LCN10: variants seen among roughly 807,000 people sequenced by gnomAD.
LCN10 encodes epididymal-specific lipocalin-10.
In LCN10, 18 loss-of-function variants were observed where a neutral mutation model predicts 25.1. The observed-to-expected ratio is 0.72, with a 90% CI of 0.50 to 1.06. The LOEUF (loss-of-function observed/expected upper bound fraction) is 1.06, where lower values mean the gene tolerates loss of function less well. LCN10 is among the 50% of genes least tolerant of loss of function. The pLI, the probability that LCN10 is intolerant of heterozygous loss-of-function variation, is 0.00. For missense variants in LCN10, 257 were observed against 258.9 expected, an observed-to-expected ratio of 0.99 and a Z score of 0.05; for synonymous variants, 130 against 116.7, an observed-to-expected ratio of 1.11 and a Z score of -0.73.
chr9:136,741,380 C>G lies in LCN10; in HGVS notation c.258-19G>C. 1.3e-6 allele frequency: 2 copies of G among 1,583,690 alleles called. No homozygotes were observed. The highest frequency in any genetic ancestry group is 1.7e-6 in the Non-Finnish European group (2 of 1,158,968). On this transcript the variant is annotated intron_variant, in intron 2 of 5. Transcript: ENST00000497771. ...CTTCAACCTGGGGCCAAGGCGGGGG[C>G]TCAGGCTGCAGACCAGGGAACCCCT...
rs763342773 is a variant in LCN10, at chr9:136,739,969, G to C, written c.555C>G (p.Ala185=). The stretch of plus-strand genomic sequence containing the variant: ...GCTTACCGTCTTTCGGGAGGATGAC[G>C]GCGGCCTTGGAGAGCCCCAGAATGT... ...ACDILGLSKA[A]VILPKDASRT... The change falls in exon 5 of 6, where the codon GCC becomes GCG. Residue 185 remains alanine (A), a synonymous_variant. Transcript: ENST00000497771. The surrounding 1 kb of genome is among the most constrained non-coding windows in gnomAD (Gnocchi z 6.1). 3 of 1,590,926 alleles carry C rather than the reference G, an allele frequency of 1.9e-6. No homozygotes were observed. The highest frequency in any genetic ancestry group is 1.3e-5 in the African/African-American group (1 of 74,580).
chr9:136,741,114 A>G (rs1846923310), intron 3 of LCN10, 138 bp downstream of exon 3: 3 of 993,330 alleles, frequency 3.0e-6, no homozygotes, highest in South Asian at 1.5e-5. Flanking sequence ...CGCCCAGCAC[A>G]TGACGTGTGG....
At position 136,740,932 on chromosome 9, in the gene LCN10, T is replaced by G; in HGVS notation, c.379A>C (p.Lys127Gln). 1 of 1,613,330 alleles carries G rather than the reference T, an allele frequency of 6.2e-7. No homozygotes were observed. The change falls in exon 4 of 6, where the codon AAG becomes CAG. Residue 127 changes from lysine (K) to glutamine (Q), a missense_variant. By Grantham distance (53) the Lys-to-Gln change is moderately conservative. Coordinates refer to ENST00000497771, the MANE Select transcript of LCN10 (RefSeq NM_001001712.3). This position sits in a 1 kb window ranked among gnomAD's most constrained non-coding sequence, Gnocchi z 5.3. ...REGQEGVKGV[K>Q]AFHVLSTDYS... The stretch of plus-strand genomic sequence containing the variant: ...TCAGTGGACAGCACGTGGAAGGCCT[T>G]CACCCCTTTCACTGAAAGAGATGCC...
chr9:136,741,044 C>T, intron 3 of LCN10, 101 bp from the exon 4 acceptor site: 1 of 1,119,216 alleles, frequency 8.9e-7, no homozygotes, highest in Non-Finnish European at 1.3e-6. Context: ...AGCCCCCACC[C>T]AGGTGCAGGT....
At position 136,739,061 on chromosome 9, in the gene LCN10, A is replaced by C; in HGVS notation, c.*464T>G. The C allele has an allele frequency of 4.9e-6, 1 of 205,058 alleles. No individual in the cohort carries two copies. Among genetic ancestry groups the C allele is most frequent in the Non-Finnish European group, 1.0e-5 (1 of 99,724 alleles). 12.7% of individuals were successfully genotyped at this position (205,058 alleles called of 1,614,324 possible). A position where few individuals can be genotyped will look rare whatever the true frequency, so the allele number is the denominator to read the frequency against. ...ACTGCGTTTGCCGATTCTGTTCCCT[A>C]ACGCAGCCGCAGGGGCCAGCACGCT... is the stretch of plus-strand genomic sequence containing the variant. On this transcript the variant is annotated 3_prime_UTR_variant, in exon 6 of 6. Transcript: ENST00000497771. The surrounding 1 kb of genome is among the most constrained non-coding windows in gnomAD (Gnocchi z 6.1).
At chr9:136,741,572 G>A (rs1846936203) in intron 2 of LCN10, 2 of 606,030 alleles carry the variant, frequency 3.3e-6, no homozygotes, top group Non-Finnish European at 5.8e-6. Flanking sequence ...TCGGACTGGG[G>A]CCTGTCCCAC....
In LCN10 at chr9:136,740,744, C is replaced by T; in HGVS notation, c.475+92G>A. 1.2e-6 allele frequency: 1 copy of T among 864,062 alleles called. No homozygotes were observed. Among genetic ancestry groups the T allele is most frequent in the South Asian group, 1.7e-5 (1 of 58,022 alleles). 53.5% of individuals were successfully genotyped at this position (864,062 alleles called of 1,614,324 possible). On this transcript the variant is annotated intron_variant, in intron 4 of 5. Coordinates refer to ENST00000497771, the MANE Select transcript of LCN10 (RefSeq NM_001001712.3). The surrounding 1 kb of genome is among the most constrained non-coding windows in gnomAD (Gnocchi z 5.3). ...CAACCCCCACTCTCCCTGCCCGCCT[C>T]ACCTCCTGCCCGGCCCCCTGTGCCC... is the stretch of plus-strand genomic sequence containing the variant.
At position 136,740,592 on chromosome 9, in the gene LCN10, C is replaced by T. The variant is rs541570830; in HGVS notation, c.475+244G>A. On this transcript the variant is annotated intron_variant, in intron 4 of 5. Transcript: ENST00000497771. This position sits in a 1 kb window ranked among gnomAD's most constrained non-coding sequence, Gnocchi z 5.3. Reference sequence around the variant, plus strand: ...CACCCGCCACCATCCTGGTGGCCTCCGCTCCCCCTGGATGGCCCACCTTTC... The same window carrying T: ...CACCCGCCACCATCCTGGTGGCCTCTGCTCCCCCTGGATGGCCCACCTTTC... The T allele has an allele frequency of 1.4e-4, 74 of 546,878 alleles. No homozygotes were observed. Among genetic ancestry groups the T allele is most frequent in the South Asian group, 3.3e-4 (13 of 39,162 alleles). The allele number at this position is 546,878 out of a possible 1,614,324, so 33.9% of individuals were successfully genotyped here.
intron 3 of LCN10, 38 bp downstream of exon 3, chr9:136,741,214 A>G (rs1846925590): frequency 6.4e-7 from 1 of 1,571,232 alleles, no homozygotes. Context: ...TCAGAGGCAT[A>G]TCACGCAGCT....
At position 136,739,906 on chromosome 9, in the gene LCN10, G is replaced by A. The variant is rs780051795; in HGVS notation, c.574+44C>T. The A allele has an allele frequency of 7.0e-6, 10 of 1,420,476 alleles. No homozygotes were observed. In the South Asian group the frequency reaches 9.8e-5, roughly 14 times the overall value. 88.0% of individuals were successfully genotyped at this position (1,420,476 alleles called of 1,614,324 possible). On this transcript the variant is annotated intron_variant, in intron 5 of 5. Coordinates refer to ENST00000497771, the MANE Select transcript of LCN10 (RefSeq NM_001001712.3). The surrounding 1 kb of genome is among the most constrained non-coding windows in gnomAD (Gnocchi z 6.1). The stretch of plus-strand genomic sequence containing the variant: ...AATGAATCAGCTCCCCAATGGGACG[G>A]GCAGGTAGGGCCAGGAGGGCAAAGG...
chr9:136,741,077 C>G, intron 3 of LCN10, 134 bp from the exon 4 acceptor site: 1 of 984,542 alleles, frequency 1.0e-6, no homozygotes, highest in Non-Finnish European at 1.5e-6. Flanking sequence ...TGAGTGCCCT[C>G]CCGGGGCCTC....
In LCN10 at chr9:136,741,408, T is replaced by C. The variant is rs899627385; in HGVS notation, c.258-47A>G. 12 of 1,409,818 alleles carry C rather than the reference T, an allele frequency of 8.5e-6. No homozygotes were observed. In the East Asian group the frequency reaches 1.2e-4, roughly 14 times the overall value. The allele number at this position is 1,409,818 out of a possible 1,614,324, so 87.3% of individuals were successfully genotyped here. A position where few individuals can be genotyped will look rare whatever the true frequency, so the allele number is the denominator to read the frequency against. ...AGGCTGCAGACCAGGGAACCCCTCC[T>C]CCCGCCTGCCAGCCACCGAGCCCCA... On this transcript the variant is annotated intron_variant, in intron 2 of 5. Coordinates refer to ENST00000497771, the MANE Select transcript of LCN10 (RefSeq NM_001001712.3).
In LCN10 at chr9:136,739,454, A is replaced by T; in HGVS notation, c.*71T>A. 2.0e-6 allele frequency: 3 copies of T among 1,509,924 alleles called. No homozygotes were observed. Among genetic ancestry groups the T allele is most frequent in the African/African-American group, 1.4e-5 (1 of 72,328 alleles). 93.5% of individuals were successfully genotyped at this position (1,509,924 alleles called of 1,614,324 possible). On this transcript the variant is annotated 3_prime_UTR_variant, in exon 6 of 6. Transcript: ENST00000497771. The surrounding 1 kb of genome is among the most constrained non-coding windows in gnomAD (Gnocchi z 6.1). Reference sequence around the variant, plus strand: ...CTCAACAAGCCGTGGTCTCCACTTGACATCTGGAACAACGCTCCTCGGGTC... The same window carrying T: ...CTCAACAAGCCGTGGTCTCCACTTGTCATCTGGAACAACGCTCCTCGGGTC...
chr9:136,739,426 C>T lies in LCN10; in HGVS notation c.*99G>A. The stretch of plus-strand genomic sequence containing the variant: ...GTCAATGACCTAGAGTCACCAAACA[C>T]CTCTCAACAAGCCGTGGTCTCCACT... On this transcript the variant is annotated 3_prime_UTR_variant, in exon 6 of 6. Coordinates refer to ENST00000497771, the MANE Select transcript of LCN10 (RefSeq NM_001001712.3). The surrounding 1 kb of genome is among the most constrained non-coding windows in gnomAD (Gnocchi z 6.1). 1 of 1,298,006 alleles carries T rather than the reference C, an allele frequency of 7.7e-7. No individual in the cohort carries two copies. The highest frequency in any genetic ancestry group is 1.1e-6 in the Non-Finnish European group (1 of 917,240). 80.4% of individuals were successfully genotyped at this position (1,298,006 alleles called of 1,614,324 possible).
chr9:136,739,496 C>G lies in LCN10; in HGVS notation c.*29G>C. 1 of 1,588,736 alleles carries G rather than the reference C, an allele frequency of 6.3e-7. No homozygotes were observed. Among genetic ancestry groups the G allele is most frequent in the Non-Finnish European group, 8.6e-7 (1 of 1,168,082 alleles). Reference sequence around the variant, plus strand: ...CCTCGGGTCTGGGAGGACCACGCGTCGAAAGGGAAGAGCAGAGGACGCTGG... The same window carrying G: ...CCTCGGGTCTGGGAGGACCACGCGTGGAAAGGGAAGAGCAGAGGACGCTGG... On this transcript the variant is annotated 3_prime_UTR_variant, in exon 6 of 6. Transcript: ENST00000497771. The surrounding 1 kb of genome is among the most constrained non-coding windows in gnomAD (Gnocchi z 6.1).
chr9:136,739,669 C>A lies in LCN10; in HGVS notation c.575-116G>T. 2.0e-6 allele frequency: 2 copies of A among 994,904 alleles called. No homozygotes were observed. The highest frequency in any genetic ancestry group is 3.1e-6 in the Non-Finnish European group (2 of 643,270). 61.6% of individuals were successfully genotyped at this position (994,904 alleles called of 1,614,324 possible). On this transcript the variant is annotated intron_variant, in intron 5 of 5. Transcript: ENST00000497771. This position sits in a 1 kb window ranked among gnomAD's most constrained non-coding sequence, Gnocchi z 6.1. ...CCATGCGTGCTCGTCTTGGGCACCACGAGAACACAGCCATGCAGCCCCCGA... is the reference window on the plus strand; with the variant it reads ...CCATGCGTGCTCGTCTTGGGCACCAAGAGAACACAGCCATGCAGCCCCCGA...
At chr9:136,742,239 C>T in intron 1 of LCN10, 2 of 588,546 alleles carry the variant, frequency 3.4e-6, no homozygotes, top group African/African-American at 1.9e-5. Flanking sequence ...CCCCAGGCAG[C>T]AAAGGGCTGG....
At chr9:136,742,071 C>T (rs946363921) in intron 1 of LCN10, 51 bp from the exon 2 acceptor site, 1 of 1,603,048 alleles carries the variant, frequency 6.2e-7, no homozygotes, top group Non-Finnish European at 8.5e-7. Flanking sequence ...GGGGGCTGTC[C>T]CCACCCCCGA....
rs191641202 is a variant in LCN10 at position 136,739,670 on chromosome 9, G to A, written c.575-117C>T. The stretch of plus-strand genomic sequence containing the variant: ...CATGCGTGCTCGTCTTGGGCACCAC[G>A]AGAACACAGCCATGCAGCCCCCGAT... On this transcript the variant is annotated intron_variant, in intron 5 of 5. Coordinates refer to ENST00000497771, the MANE Select transcript of LCN10 (RefSeq NM_001001712.3). The surrounding 1 kb of genome is among the most constrained non-coding windows in gnomAD (Gnocchi z 6.1). 1,195 of 984,468 alleles carry A rather than the reference G, an allele frequency of 1.2e-3. 6 individuals carry two copies. In the African/African-American group the frequency reaches 0.017, roughly 14 times the overall value. 61.0% of individuals were successfully genotyped at this position (984,468 alleles called of 1,614,324 possible). A position where few individuals can be genotyped will look rare whatever the true frequency, so the allele number is the denominator to read the frequency against.
Sources: gnomAD v4.1 joint callset for allele counts on GRCh38, gnomAD v4.1.1 for gene constraint, Gnocchi (gnomAD v3.1) non-coding constraint, MANE v1.5 for transcripts, NCBI Gene and HGNC (gene_info 2026-07-23, HGNC 2026-07-21) for gene names.